GRIK2: variants seen among roughly 807,000 people sequenced by gnomAD.
The protein encoded by GRIK2 is glutamate ionotropic receptor kainate type subunit 2.
A neutral mutation model predicts 100.3 loss-of-function variants in GRIK2; 32 were observed. That is an observed-to-expected ratio of 0.32 (90% CI 0.24 to 0.43). GRIK2 has a LOEUF of 0.43. Ranked by LOEUF, GRIK2 falls within the 20% of genes least tolerant of loss-of-function variation. GRIK2 has a pLI of 1.00. For synonymous variants in GRIK2, 417 were observed against 389.4 expected, an observed-to-expected ratio of 1.07 and a Z score of -0.83; for missense variants, 843 against 1,114.9, an observed-to-expected ratio of 0.76 and a Z score of 3.47.
chr6:101,556,307 G>A (rs1776733834), intron 2 of GRIK2, among the ~76,000 whole-genome samples: 1 of 106,120 alleles, frequency 9.4e-6, no homozygotes, highest in African/African-American at 3.4e-5. Context: ...ATTGCACTAT[G>A]TAATATATTG....
At chr6:101,657,862 G>A (rs1659458604) in intron 4 of GRIK2, among the ~76,000 whole-genome samples, 1 of 151,880 alleles carries the variant, frequency 6.6e-6, no homozygotes, top group Admixed American at 6.6e-5. Flanking sequence ...ATACATGGTA[G>A]GGCATCAGTC....
At chr6:101,624,980 G>A (rs1327359880) in intron 3 of GRIK2, among the ~76,000 whole-genome samples, 3 of 152,072 alleles carry the variant, frequency 2.0e-5, no homozygotes, top group South Asian at 4.1e-4. Context: ...GTGTTGCCCA[G>A]GCAGGTCTCG....
intron 14 of GRIK2, chr6:101,993,323 A>C (rs74762069): frequency 1.3e-5 from 1 of 77,768 alleles, no homozygotes; most frequent in Non-Finnish European, 3.5e-5. Context: ...AGGTGACTCT[A>C]TTTTCTCAAA....
At chr6:101,512,952 T>C (rs1445432230) in intron 2 of GRIK2, among the ~76,000 whole-genome samples, 1 of 150,192 alleles carries the variant, frequency 6.7e-6, no homozygotes, top group East Asian at 2.0e-4. Flanking sequence ...TGCTTTGCTG[T>C]TTTTTTCTTG....
chr6:101,668,346 T>G (rs1770184415), intron 4 of GRIK2, among the ~76,000 whole-genome samples: 1 of 152,198 alleles, frequency 6.6e-6, no homozygotes, highest in South Asian at 2.1e-4. Context: ...TTTGTTTCAG[T>G]GCCAATCTAC....
intron 2 of GRIK2, among the ~76,000 whole-genome samples, chr6:101,613,367 A>G (rs1208856357): frequency 1.3e-5 from 2 of 151,816 alleles, no homozygotes; most frequent in Non-Finnish European, 2.9e-5. Context: ...AAAACTGAAT[A>G]TGACCTAAAG....
intron 2 of GRIK2, among the ~76,000 whole-genome samples, chr6:101,564,551 T>C (rs1777162939): frequency 6.6e-6 from 1 of 152,134 alleles, no homozygotes; most frequent in African/African-American, 2.4e-5. Context: ...GAGTCGGCTT[T>C]CTCCCTAATG....
chr6:101,524,472 C>T (rs1582640129), intron 2 of GRIK2, among the ~76,000 whole-genome samples: 1 of 152,024 alleles, frequency 6.6e-6, no homozygotes, highest in Non-Finnish European at 1.5e-5. Flanking sequence ...CAAGTTTATT[C>T]ACTATAGGTG....
intron 12 of GRIK2, among the ~76,000 whole-genome samples, chr6:101,919,412 C>T (rs548176475): frequency 6.6e-6 from 1 of 151,862 alleles, no homozygotes; most frequent in South Asian, 2.1e-4. Context: ...CTTTAAGTCT[C>T]AAGAGCTCAG....
At chr6:102,018,962 A>T (rs1359135329) in intron 14 of GRIK2, among the ~76,000 whole-genome samples, 1 of 152,022 alleles carries the variant, frequency 6.6e-6, no homozygotes, top group African/African-American at 2.4e-5. Flanking sequence ...TAAATTTTTA[A>T]ATTATTTTTT....
chr6:101,476,256 T>A (rs1045735844), intron 2 of GRIK2, among the ~76,000 whole-genome samples: 1 of 152,122 alleles, frequency 6.6e-6, no homozygotes, highest in Non-Finnish European at 1.5e-5. Flanking sequence ...TGTGGCTGTA[T>A]TGTCTTCACA....
At chr6:102,055,249 T>C in intron 15 of GRIK2, 81 bp from the exon 16 acceptor site, 1 of 1,047,468 alleles carries the variant, frequency 9.5e-7, no homozygotes, top group Non-Finnish European at 1.4e-6. Flanking sequence ...GAAAAATCTC[T>C]GCCCTCCTCT....
At chr6:101,521,411 ATTAT>A (rs1201788540) in intron 2 of GRIK2, among the ~76,000 whole-genome samples, 1 of 151,980 alleles carries the variant, frequency 6.6e-6, no homozygotes, top group African/African-American at 2.4e-5. Flanking sequence ...TATTTTTGAA[ATTAT>A]TTGTTTCAGA....
At chr6:101,804,682 T>A (rs1780876774) in intron 9 of GRIK2, among the ~76,000 whole-genome samples, 1 of 151,934 alleles carries the variant, frequency 6.6e-6, no homozygotes, top group South Asian at 2.1e-4. Flanking sequence ...AGAAATAAAC[T>A]GGCATAAACC....
intron 4 of GRIK2, among the ~76,000 whole-genome samples, chr6:101,642,007 G>A (rs932655833): frequency 9.2e-5 from 14 of 151,752 alleles, no homozygotes; most frequent in African/African-American, 2.9e-4. Flanking sequence ...TAACTGCTTC[G>A]CTATTTAGGA....
At chr6:101,548,014 A>G (rs1236548082) in intron 2 of GRIK2, among the ~76,000 whole-genome samples, 1 of 151,944 alleles carries the variant, frequency 6.6e-6, no homozygotes, top group Admixed American at 6.6e-5. Context: ...TTGCCATTCT[A>G]ACTGGTGTGA....
chr6:102,045,541 C>T (rs1770839739), intron 15 of GRIK2, among the ~76,000 whole-genome samples: 1 of 151,940 alleles, frequency 6.6e-6, no homozygotes, highest in Non-Finnish European at 1.5e-5. Flanking sequence ...CTATAAATGA[C>T]ACTGTTCATG....
intron 2 of GRIK2, among the ~76,000 whole-genome samples, chr6:101,498,909 T>C (rs985367620): frequency 2.6e-5 from 4 of 152,154 alleles, no homozygotes; most frequent in Admixed American, 6.6e-5. Context: ...TTTGTTGCCA[T>C]TGCTTTTGGT....
intron 14 of GRIK2, among the ~76,000 whole-genome samples, chr6:101,968,809 G>A (rs1358766421): frequency 6.6e-6 from 1 of 151,916 alleles, no homozygotes; most frequent in Non-Finnish European, 1.5e-5. Flanking sequence ...AAGTATTGAT[G>A]TTTAAGAAGA....
Sources: allele counts gnomAD v4.1 joint callset (sites outside exome capture counted in the v4.1 genomes callset), GRCh38; gene constraint gnomAD v4.1.1; transcripts MANE v1.5; gene names NCBI Gene and HGNC (gene_info 2026-07-23, HGNC 2026-07-21).